ZNF318: variants seen among roughly 807,000 people sequenced by gnomAD.
The protein encoded by ZNF318 is endocrine regulator.
A neutral mutation model predicts 124.2 loss-of-function variants in ZNF318; 51 were observed. The ratio of observed to expected loss-of-function variants is 0.41; its 90% CI spans 0.33 to 0.52. The LOEUF (loss-of-function observed/expected upper bound fraction) is 0.52. Ranked by LOEUF, ZNF318 falls within the 20% of genes least tolerant of loss-of-function variation. The pLI is 0.23. For missense variants in ZNF318, 2,815 were observed against 2,811.2 expected, an observed-to-expected ratio of 1.00 and a Z score of -0.03; for synonymous variants, 1,090 against 1,040.7, an observed-to-expected ratio of 1.05 and a Z score of -0.91.
At position 43,348,334 on chromosome 6, in the gene ZNF318, G is replaced by A; in HGVS notation, c.3062C>T (p.Ser1021Phe). 1 of 1,606,088 alleles carries A rather than the reference G, an allele frequency of 6.2e-7. No individual in the cohort carries two copies. The highest frequency in any genetic ancestry group is 8.5e-7 in the Non-Finnish European group (1 of 1,176,646). Reference protein sequence around the residue: ...PEKVSSFSNSSSNKESKVNNE... With the variant: ...PEKVSSFSNSFSNKESKVNNE... ...AAATTGAGTTGTTACCTTGTTGGAG[G>A]AGGAGTTTGAGAACGATGACACTTT... The change falls in exon 6 of 10, where the codon TCC (serine) becomes TTC (phenylalanine). Residue 1021 changes from serine to phenylalanine, a missense_variant. By Grantham distance (155) the Ser-to-Phe change is radical. Coordinates refer to ENST00000361428, the MANE Select transcript of ZNF318 (RefSeq NM_014345.3).
In ZNF318 at chr6:43,369,437, G is replaced by T. The variant is rs1006814866; in HGVS notation, c.-72C>A. 9.0e-7 allele frequency: 1 copy of T among 1,114,620 alleles called. No individual in the cohort carries two copies. The highest frequency in any genetic ancestry group is 4.3e-5 in the East Asian group (1 of 23,524). 69.0% of individuals were successfully genotyped at this position (1,114,620 alleles called of 1,614,324 possible). On this transcript the variant is annotated 5_prime_UTR_variant, in exon 1 of 10. Coordinates refer to ENST00000361428, the MANE Select transcript of ZNF318 (RefSeq NM_014345.3). ...CCTAGACGCAGGCTCGGAGCGCGCC[G>T]CCGCAGCTGCAGCCGCCGCCACCTC...
Position 43,339,374 on chromosome 6 carries a change from G to C in ZNF318, c.4624C>G (p.Leu1542Val). ...GCTTGTTCACTGAACACACTTGAGA[G>C]GGGTGGTGGAGGACGTACTAACACA... Reference protein sequence around the residue: ...FSVLVRPPPPLSSVFSEQAKK... With the variant: ...FSVLVRPPPPVSSVFSEQAKK... Residue 1542 changes from leucine to valine, a missense_variant, in exon 10 of 10, where the codon CTC (leucine) becomes GTC (valine). Coordinates refer to ENST00000361428, the MANE Select transcript of ZNF318 (RefSeq NM_014345.3). The surrounding 1 kb of genome is among the most constrained non-coding windows in gnomAD (Gnocchi z 4.2). 1.2e-6 allele frequency: 2 copies of C among 1,614,170 alleles called. No individual in the cohort carries two copies. Among genetic ancestry groups the C allele is most frequent in the Non-Finnish European group, 1.7e-6 (2 of 1,180,046 alleles).
rs773228961 is a variant in ZNF318 at position 43,339,982 on chromosome 6, A to G, written c.4016T>C (p.Val1339Ala). 1 of 1,614,202 alleles carries G rather than the reference A, an allele frequency of 6.2e-7. No individual in the cohort carries two copies. Among genetic ancestry groups the G allele is most frequent in the Non-Finnish European group, 8.5e-7 (1 of 1,180,042 alleles). ...CTTAGTCTGTGTGGAAGTTGTCACA[A>G]CAGGCATCCAAGGGCTGGTATGTGC... ...VVAHTSPWMPVVTTSTQTKIR... is the reference protein window; with the variant it reads ...VVAHTSPWMPAVTTSTQTKIR... Residue 1339 changes from valine to alanine, a missense_variant, in exon 10 of 10, where the codon GTT becomes GCT. Around this residue, in one of 4 missense-constraint regions of ZNF318, gnomAD observed 500 missense variants for 605.2 expected, o/e 0.83. Transcript: ENST00000361428. This position sits in a 1 kb window ranked among gnomAD's most constrained non-coding sequence, Gnocchi z 4.2.
At chr6:43,352,502 G>A (rs1562132446) in intron 4 of ZNF318, 26 bp from the exon 5 acceptor site, 3 of 1,581,368 alleles carry the variant, frequency 1.9e-6, no homozygotes, top group African/African-American at 1.3e-5. Flanking sequence ...TGGTAAGAGA[G>A]TCCATCTCCT....
chr6:43,369,093 C>T lies in ZNF318; in HGVS notation c.273G>A (p.Ser91=), dbSNP rs937001691. The T allele has an allele frequency of 2.0e-5, 25 of 1,260,268 alleles. No individual in the cohort carries two copies. The East Asian group carries it at 7.6e-4, about 38-fold the overall frequency. The allele number at this position is 1,260,268 out of a possible 1,614,324, so 78.1% of individuals were successfully genotyped here. The change falls in exon 1 of 10, where the codon TCG becomes TCA. Residue 91 remains serine (S), a synonymous_variant. Transcript: ENST00000361428. ...GGAAGAGTCGTCGGCCCCGCGGTGG[C>T]GACGGGGAGCCGCGACGGGCCCGAG... ...SPPRARRGSP[S]PPRGRRLFPP... is the part of the protein sequence containing the mutation.
At chr6:43,344,423 C>A (rs73440328) in intron 6 of ZNF318, among the ~76,000 whole-genome samples, 4,377 of 151,946 alleles carry the variant, frequency 0.029, 221 homozygotes, top group African/African-American at 0.097. Flanking sequence ...ACCATGCAAC[C>A]AAAACAACAA....
At chr6:43,348,760 G>A (rs950424875) in intron 5 of ZNF318, 135 bp from the exon 6 acceptor site, 26 of 1,047,090 alleles carry the variant, frequency 2.5e-5, no homozygotes, top group Admixed American at 2.2e-4. Context: ...GTGGCTAGGC[G>A]TGGTGGCTCA....
At chr6:43,368,099 G>A (rs1241500324) in intron 1 of ZNF318, among the ~76,000 whole-genome samples, 1 of 152,214 alleles carries the variant, frequency 6.6e-6, no homozygotes, top group Non-Finnish European at 1.5e-5. Context: ...CTACCTAGAG[G>A]ATCTCTTGGG....
At chr6:43,343,057 A>G (rs1008444665) in intron 6 of ZNF318, among the ~76,000 whole-genome samples, 178 bp from the exon 7 acceptor site, 3 of 152,228 alleles carry the variant, frequency 2.0e-5, no homozygotes, top group African/African-American at 7.2e-5. Flanking sequence ...ACATAGAACT[A>G]TTTGACTTCA....
In ZNF318 at chr6:43,353,902, C is replaced by T. The variant is rs548148783; in HGVS notation, c.2670+762G>A. Among the ~76,000 whole-genome samples the T allele has an allele frequency of 4.6e-5, 7 of 152,224 alleles. No homozygotes were observed. In the East Asian group the frequency reaches 1.4e-3, roughly 29 times the overall value. ...TCTTTACCCCAGTCACTGCTTTCTT[C>T]CCACAGGCTGGGGACCCAATGAACC... On this transcript the variant is annotated intron_variant, in intron 4 of 9. Transcript: ENST00000361428.
At position 43,337,377 on chromosome 6, in the gene ZNF318, T is replaced by C. The variant is rs754093337; in HGVS notation, c.6621A>G (p.Pro2207=). Residue 2207 remains proline, a synonymous_variant, in exon 10 of 10, where the codon CCA becomes CCG. Coordinates refer to ENST00000361428, the MANE Select transcript of ZNF318 (RefSeq NM_014345.3). ...PSKCSSLELG[P]LQLEISNAST... ...ATGCATTCGATATTTCTAGCTGTAA[T>C]GGCCCCAACTCCAGGGAACTACATT... The C allele has an allele frequency of 3.7e-6, 6 of 1,614,200 alleles. No homozygotes were observed. The highest frequency in any genetic ancestry group is 4.5e-5 in the East Asian group (2 of 44,890).
chr6:43,337,872 T>C lies in ZNF318; in HGVS notation c.6126A>G (p.Lys2042=). ...GTGATACAGAATTTTCTTCACACAC[T>C]TTCTGACACAAGACAGTTGGGGATC... is the stretch of plus-strand genomic sequence containing the variant. ...AHRSPTVLCQ[K]VCEENSVSPI... Residue 2042 remains lysine (K), a synonymous_variant, in exon 10 of 10, where the codon AAA becomes AAG. Coordinates refer to ENST00000361428, the MANE Select transcript of ZNF318 (RefSeq NM_014345.3). The C allele has an allele frequency of 6.2e-7, 1 of 1,614,190 alleles. No homozygotes were observed. The highest frequency in any genetic ancestry group is 8.5e-7 in the Non-Finnish European group (1 of 1,180,026).
chr6:43,349,460 A>T (rs976758245), intron 5 of ZNF318, among the ~76,000 whole-genome samples: 1 of 150,854 alleles, frequency 6.6e-6, no homozygotes, highest in African/African-American at 2.4e-5. Flanking sequence ...CCTGAGCTCA[A>T]AGTGATCTGC....
At chr6:43,340,584 AT>A in intron 9 of ZNF318, 82 bp from the exon 10 acceptor site, 1 of 1,494,230 alleles carries the variant, frequency 6.7e-7, no homozygotes. Context: ...GTTAGAATTC[AT>A]TTAGTAGAAA....
chr6:43,366,817 C>T (rs1171515380), intron 1 of ZNF318, among the ~76,000 whole-genome samples: 3 of 152,070 alleles, frequency 2.0e-5, no homozygotes, highest in African/African-American at 4.8e-5. Flanking sequence ...TACACACACA[C>T]GCACACAAAC....
chr6:43,349,887 T>TA (rs1779502606), intron 5 of ZNF318, among the ~76,000 whole-genome samples: 1 of 151,856 alleles, frequency 6.6e-6, no homozygotes, highest in African/African-American at 2.4e-5. Context: ...AATTCAAAGC[T>TA]ACAGTGAGCT....
Position 43,348,639 on chromosome 6 carries a change from T to C in ZNF318, c.2771-14A>G. 1 of 1,605,710 alleles carries C rather than the reference T, an allele frequency of 6.2e-7. No individual in the cohort carries two copies. Among genetic ancestry groups the C allele is most frequent in the Non-Finnish European group, 8.5e-7 (1 of 1,175,490 alleles). On this transcript the variant is annotated splice_polypyrimidine_tract_variant and intron_variant, in intron 5 of 9. Transcript: ENST00000361428. Reference sequence around the variant, plus strand: ...GCAGCATTTCTCCTGAGCAATCAAATGTCAACAAAAAGAAGCACAGGGAAA... The same window carrying C: ...GCAGCATTTCTCCTGAGCAATCAAACGTCAACAAAAAGAAGCACAGGGAAA...
intron 8 of ZNF318, 38 bp from the exon 9 acceptor site, chr6:43,340,946 T>G (rs756779549): frequency 6.8e-7 from 1 of 1,462,398 alleles, no homozygotes; most frequent in Non-Finnish European, 9.6e-7. Context: ...AATAAGTCGA[T>G]TCCACCCAGA....
chr6:43,338,180 G>T lies in ZNF318; in HGVS notation c.5818C>A (p.Leu1940Ile). 6.2e-7 allele frequency: 1 copy of T among 1,614,060 alleles called. No individual in the cohort carries two copies. Among genetic ancestry groups the T allele is most frequent in the Non-Finnish European group, 8.5e-7 (1 of 1,180,006 alleles). Residue 1940 changes from leucine (L) to isoleucine (I), a missense_variant, in exon 10 of 10, where the codon CTC (leucine) becomes ATC (isoleucine). Transcript: ENST00000361428. ...SRTSRYRSLK[L>I]KRERSKDFQV... Reference sequence around the variant, plus strand: ...AAGTCTTTTGATCTTTCTCTCTTGAGTTTGAGACTTCTGTACCTAGAAGTT... The same window carrying T: ...AAGTCTTTTGATCTTTCTCTCTTGATTTTGAGACTTCTGTACCTAGAAGTT...
Sources: gnomAD v4.1 joint callset for allele counts (sites outside exome capture counted in the v4.1 genomes callset) on GRCh38, gnomAD v4.1.1 for gene constraint, gnomAD v4.1.1 regional missense constraint, Gnocchi (gnomAD v3.1) non-coding constraint, MANE v1.5 for transcripts, NCBI Gene and HGNC (gene_info 2026-07-23, HGNC 2026-07-21) for gene names.